NRXN3: variants seen among roughly 807,000 people sequenced by gnomAD.
NRXN3 encodes neurexin III.
NRXN3 carries 32 observed loss-of-function variants against 137.6 expected under a neutral mutation model. The ratio of observed to expected loss-of-function variants is 0.23; its 90% confidence interval spans 0.18 to 0.31. NRXN3 has a LOEUF of 0.31. Among genes scored for constraint, NRXN3 ranks in the 10% least tolerant of loss-of-function variants. The probability of loss-of-function intolerance (pLI) is 1.00; values close to 1 mark genes in which losing one functional copy is unlikely to be tolerated. For missense variants in NRXN3, 1,574 were observed against 2,062.5 expected, an observed-to-expected ratio of 0.76 and a Z score of 4.59; for synonymous variants, 798 against 784.5, an observed-to-expected ratio of 1.02 and a Z score of -0.29.
chr14:78,565,571 T>A (rs1277100764), intron 4 of NRXN3, among the ~76,000 whole-genome samples: 1 of 152,244 alleles, frequency 6.6e-6, no homozygotes, highest in Non-Finnish European at 1.5e-5. Flanking sequence ...AATCTCTCTA[T>A]GCCTCAATTT....
intron 16 of NRXN3, among the ~76,000 whole-genome samples, chr14:79,589,016 A>G (rs2097782446): frequency 6.6e-6 from 1 of 152,180 alleles, no homozygotes; most frequent in South Asian, 2.1e-4. Context: ...GCACTTTGGG[A>G]GGGCAAGGCA....
intron 4 of NRXN3, among the ~76,000 whole-genome samples, chr14:78,496,612 G>C (rs1165608592): frequency 6.6e-6 from 1 of 152,042 alleles, no homozygotes; most frequent in Admixed American, 6.5e-5. Context: ...TTAGTAAAAG[G>C]AGAAAGAGGC....
chr14:78,639,189 TC>T (rs1445051810), intron 4 of NRXN3, among the ~76,000 whole-genome samples: 1 of 152,228 alleles, frequency 6.6e-6, no homozygotes. Flanking sequence ...TTTTTGTGCC[TC>T]ATTAGTTTCC....
At chr14:78,430,585 A>G (rs8007529) in intron 4 of NRXN3, among the ~76,000 whole-genome samples, 10,439 of 152,212 alleles carry the variant, frequency 0.069, 571 homozygotes, top group East Asian at 0.35. Context: ...TCAGATTTAT[A>G]GCCAAAAACA....
chr14:78,452,153 A>G (rs758649769), intron 4 of NRXN3, among the ~76,000 whole-genome samples: 4 of 152,104 alleles, frequency 2.6e-5, no homozygotes, highest in Non-Finnish European at 5.9e-5. Context: ...GGTGGTACTG[A>G]TATTATGATG....
At chr14:79,269,338 C>T (rs185210825) in intron 15 of NRXN3, among the ~76,000 whole-genome samples, 12 of 152,274 alleles carry the variant, frequency 7.9e-5, no homozygotes, top group South Asian at 4.1e-4. Context: ...AGTGAGCCAC[C>T]GCATCCGGCC....
At chr14:79,308,181 G>A (rs1245596812) in intron 15 of NRXN3, among the ~76,000 whole-genome samples, 1 of 149,846 alleles carries the variant, frequency 6.7e-6, no homozygotes, top group Non-Finnish European at 1.5e-5. Flanking sequence ...GACTTAGGGG[G>A]TTAGGACTTC....
rs529326348 is a variant in NRXN3, at chr14:78,859,529, A to C, written c.2275+49185A>C. 2.6e-5 allele frequency among the ~76,000 whole-genome samples: 4 copies of C among 152,256 alleles called. No individual in the cohort carries two copies. In the East Asian group the frequency reaches 5.8e-4, roughly 22 times the overall value. Reference sequence around the variant, plus strand: ...TGGTTGAGCTTGGCGTTTATAACAGAACAGCAAAAAATGGGATCCCTTTCA... The same window carrying C: ...TGGTTGAGCTTGGCGTTTATAACAGCACAGCAAAAAATGGGATCCCTTTCA... On this transcript the variant is annotated intron_variant, in intron 10 of 20. Transcript: ENST00000335750.
intron 4 of NRXN3, among the ~76,000 whole-genome samples, chr14:78,335,165 A>G (rs2081312274): frequency 6.6e-6 from 1 of 152,186 alleles, no homozygotes; most frequent in African/African-American, 2.4e-5. Context: ...TTCAGAAAAC[A>G]TTCTCCTGAA....
chr14:79,050,783 G>C (rs1018453198), intron 15 of NRXN3, among the ~76,000 whole-genome samples: 1 of 152,128 alleles, frequency 6.6e-6, no homozygotes, highest in African/African-American at 2.4e-5. Flanking sequence ...CAGACTGTGG[G>C]CTACAGATTC....
At chr14:79,586,351 T>A (rs2097765282) in intron 16 of NRXN3, among the ~76,000 whole-genome samples, 1 of 152,242 alleles carries the variant, frequency 6.6e-6, no homozygotes, top group Non-Finnish European at 1.5e-5. Context: ...GAAAAATGTA[T>A]CTGAAACTTT....
chr14:79,135,934 A>T (rs1005374174), intron 15 of NRXN3, among the ~76,000 whole-genome samples: 2 of 152,208 alleles, frequency 1.3e-5, no homozygotes, highest in Non-Finnish European at 2.9e-5. Flanking sequence ...CTAGTGTACT[A>T]TCCTGCTTCC....
Position 79,649,795 on chromosome 14 carries a change from T to C in NRXN3, c.3445-13983T>C, listed in dbSNP as rs572968860. ...TCCCATTCCTCTTTACTTTCTCAAC[T>C]GCATCCACTTAAATACATCTTATTG... On this transcript the variant is annotated intron_variant, in intron 16 of 20. Coordinates refer to ENST00000335750, the MANE Select transcript of NRXN3 (RefSeq NM_001330195.2). Among the ~76,000 whole-genome samples the C allele has an allele frequency of 6.6e-5, 10 of 152,344 alleles. No homozygotes were observed. In the East Asian group the frequency reaches 1.9e-3, roughly 29 times the overall value.
At chr14:79,174,495 A>T (rs1332994503) in intron 15 of NRXN3, among the ~76,000 whole-genome samples, 1 of 119,718 alleles carries the variant, frequency 8.4e-6, no homozygotes, top group Non-Finnish European at 1.8e-5. Context: ...GTTTCTATTG[A>T]AAGTTTTATA....
intron 10 of NRXN3, among the ~76,000 whole-genome samples, chr14:78,945,523 T>C (rs2099363424): frequency 1.3e-5 from 2 of 152,192 alleles, no homozygotes. Flanking sequence ...TCTTGGCTAA[T>C]GGAGGCTGTA....
chr14:79,021,356 A>G (rs989113496), intron 15 of NRXN3, among the ~76,000 whole-genome samples: 1 of 152,194 alleles, frequency 6.6e-6, no homozygotes, highest in Non-Finnish European at 1.5e-5. Flanking sequence ...TTTGATATGG[A>G]AGATGCTCTT....
intron 4 of NRXN3, among the ~76,000 whole-genome samples, chr14:78,547,115 A>C (rs917265972): frequency 6.6e-6 from 1 of 152,028 alleles, no homozygotes; most frequent in African/African-American, 2.4e-5. Flanking sequence ...TGATCTTTTC[A>C]TCTATTCCTA....
intron 15 of NRXN3, among the ~76,000 whole-genome samples, chr14:79,366,148 G>T (rs1161775990): frequency 6.6e-6 from 1 of 152,018 alleles, no homozygotes; most frequent in African/African-American, 2.4e-5. Context: ...TACTTGTCAT[G>T]TACTTACTTT....
chr14:78,905,241 A>G (rs2099211910), intron 10 of NRXN3, among the ~76,000 whole-genome samples: 1 of 152,022 alleles, frequency 6.6e-6, no homozygotes, highest in African/African-American at 2.4e-5. Flanking sequence ...CCTACACAAA[A>G]ATATCATATT....
Sources: allele counts gnomAD v4.1 joint callset (sites outside exome capture counted in the v4.1 genomes callset), GRCh38; gene constraint gnomAD v4.1.1; transcripts MANE v1.5; gene names NCBI Gene and HGNC (gene_info 2026-07-23, HGNC 2026-07-21).